The following TSEN2 variants were observed in gnomAD, a reference collection of about 807,000 sequenced individuals.
The protein encoded by TSEN2 is tRNA splicing endonuclease subunit 2.
In TSEN2, 54 loss-of-function variants were observed where a neutral mutation model predicts 59.2. That is an observed-to-expected ratio of 0.91 (90% CI 0.73 to 1.14). TSEN2 has a LOEUF of 1.14. TSEN2 is among the 50% of genes most tolerant of loss of function. The pLI, the probability that TSEN2 is intolerant of heterozygous loss-of-function variation, is 0.00. For synonymous variants in TSEN2, 195 were observed against 198.2 expected (o/e 0.98, Z 0.14); for missense variants, 636 against 576.2 (o/e 1.10, Z -1.06).
At chr3:12,520,874 T>C (rs914092000) in intron 8 of TSEN2, among the ~76,000 whole-genome samples, 8 of 152,164 alleles carry the variant, frequency 5.3e-5, no homozygotes, top group Non-Finnish European at 1.2e-4. Context: ...GTACAGATTA[T>C]TTGATCACCC....
At chr3:12,528,711 C>A (rs759394671) in intron 8 of TSEN2, among the ~76,000 whole-genome samples, 177 bp from the exon 9 acceptor site, 1 of 152,118 alleles carries the variant, frequency 6.6e-6, no homozygotes, top group Non-Finnish European at 1.5e-5. Flanking sequence ...CAGAGCGAGA[C>A]CCTGTCTGAA....
intron 6 of TSEN2, among the ~76,000 whole-genome samples, chr3:12,512,400 T>C (rs1023946666): frequency 2.0e-5 from 3 of 152,256 alleles, no homozygotes. Flanking sequence ...TGAATTGATA[T>C]AACAGCTAAT....
At position 12,513,232 on chromosome 3, in the gene TSEN2, A is replaced by G. The variant is rs116531221; in HGVS notation, c.910-3379A>G. Among the ~76,000 whole-genome samples, 1,490 of 152,318 alleles carry G rather than the reference A, an allele frequency of 9.8e-3. 10 individuals are homozygous for G. Among genetic ancestry groups the G allele is most frequent in the Middle Eastern group, 0.017 (5 of 294 alleles). On this transcript the variant is annotated intron_variant, in intron 6 of 11. Transcript: ENST00000284995. The stretch of plus-strand genomic sequence containing the variant: ...ATAATGAAAACACATCAGTTTTTGA[A>G]GAACTTACATTTTAGCAGATATCAA...
chr3:12,511,296 A>C (rs372717204), intron 6 of TSEN2: 133 of 152,334 alleles, frequency 8.7e-4, no homozygotes, highest in African/African-American at 3.0e-3. Flanking sequence ...TTAATAAAAC[A>C]TAAAGTAACA....
intron 3 of TSEN2, among the ~76,000 whole-genome samples, chr3:12,494,737 T>A (rs924292318): frequency 2.0e-5 from 3 of 150,558 alleles, no homozygotes; most frequent in Admixed American, 6.8e-5. Context: ...CATAGTTTTT[T>A]AAAAATTCCA....
At chr3:12,536,514 G>A (rs1423277643), downstream of TSEN2, among the ~76,000 whole-genome samples, 1 of 152,122 alleles carries the variant, frequency 6.6e-6, no homozygotes, top group Non-Finnish European at 1.5e-5. Context: ...AGAAACTTGG[G>A]ATTTCATCTG....
intron 8 of TSEN2, among the ~76,000 whole-genome samples, chr3:12,523,526 C>CTTTGTTTTTTTTTTTTTTTTTTTTTTTT (rs2056821440): frequency 2.2e-5 from 1 of 46,480 alleles, no homozygotes; most frequent in African/African-American, 7.9e-5. Flanking sequence ...CTCTTTGATT[C>CTTTGTTTTTTTTTTTTTTTTTTTTTTTT]TTTTTTTTTT....
chr3:12,532,682 G>T lies in TSEN2; in HGVS notation c.1359G>T (p.Trp453Cys). The T allele has an allele frequency of 1.2e-6, 2 of 1,614,008 alleles. No individual in the cohort carries two copies. Among genetic ancestry groups the T allele is most frequent in the Non-Finnish European group, 1.7e-6 (2 of 1,180,012 alleles). ...TGTAGGAGGTGATTCTGAGTCGATG[G>T]GTTTCTTCACGAGAGAGGAGTGACC... is the stretch of plus-strand genomic sequence containing the variant. ...IKVQEVILSR[W>C]VSSRERSDQD... Residue 453 changes from tryptophan to cysteine, a missense_variant, in exon 12 of 12, where the codon TGG (tryptophan) becomes TGT (cysteine). By Grantham distance (215) the Trp-to-Cys change is radical. Transcript: ENST00000284995.
chr3:12,532,663 A>T lies in TSEN2; in HGVS notation c.1340A>T (p.Glu447Val), dbSNP rs775999903. ...GGTCTTTTTTTTTATTGGTTGTAGGAGGTGATTCTGAGTCGATGGGTTTCT... is the reference window on the plus strand; with the variant it reads ...GGTCTTTTTTTTTATTGGTTGTAGGTGGTGATTCTGAGTCGATGGGTTTCT... ...PECMKRIKVQEVILSRWVSSR... is the reference protein window; with the variant it reads ...PECMKRIKVQVVILSRWVSSR... The change falls in exon 12 of 12, where the codon GAG becomes GTG. Residue 447 changes from glutamate to valine, a missense_variant and splice_region_variant. Coordinates refer to ENST00000284995, the MANE Select transcript of TSEN2 (RefSeq NM_025265.4). 1 of 1,613,950 alleles carries T rather than the reference A, an allele frequency of 6.2e-7. No homozygotes were observed. The highest frequency in any genetic ancestry group is 1.7e-5 in the Admixed American group (1 of 59,984).
chr3:12,503,049 A>G (rs1266474360), intron 4 of TSEN2, among the ~76,000 whole-genome samples: 1 of 152,012 alleles, frequency 6.6e-6, no homozygotes, highest in Non-Finnish European at 1.5e-5. Context: ...CCAGCCTGGC[A>G]ACAGAGCAAG....
Position 12,489,858 on chromosome 3 carries a change from G to A in TSEN2, c.58G>A (p.Glu20Lys), listed in dbSNP as rs142418832. 13 of 1,613,938 alleles carry A rather than the reference G, an allele frequency of 8.1e-6. No homozygotes were observed. The highest frequency in any genetic ancestry group is 6.7e-5 in the East Asian group (3 of 44,886). ...KRKRRVYETY[E>K]SPLPIPFGQD... The stretch of plus-strand genomic sequence containing the variant: ...GAAAAGAAGAGTGTATGAGACTTAC[G>A]AGTCTCCATTGCCAATCCCTTTTGG... Residue 20 changes from glutamate (E) to lysine (K), a missense_variant, in exon 2 of 12, where the codon GAG becomes AAG. Transcript: ENST00000284995.
chr3:12,487,175 G>A (rs2052701741), intron 1 of TSEN2, among the ~76,000 whole-genome samples: 1 of 152,316 alleles, frequency 6.6e-6, no homozygotes, highest in Non-Finnish European at 1.5e-5. Flanking sequence ...GTTGTGCAAG[G>A]TCACACAATA....
intron 4 of TSEN2, among the ~76,000 whole-genome samples, chr3:12,501,980 G>T (rs1345583963): frequency 6.6e-6 from 1 of 152,100 alleles, no homozygotes; most frequent in South Asian, 2.1e-4. Context: ...TTTGTAACTT[G>T]GGTGTTAGCT....
chr3:12,516,587 A>G (rs201323752), intron 6 of TSEN2, 24 bp from the exon 7 acceptor site: 122 of 1,612,892 alleles, frequency 7.6e-5, no homozygotes, highest in Admixed American at 8.3e-5. Context: ...TGTAATGAGC[A>G]TTTTCTGCTT....
Position 12,509,156 on chromosome 3 carries a change from T to C in TSEN2, c.909+3925T>C, listed in dbSNP as rs1003670541. ...TAAAAGCAGTTGCATAATGCTGTCA[T>C]GAAGTTAGGGCTGTCAACTTTGGGG... On this transcript the variant is annotated intron_variant, in intron 6 of 11. Transcript: ENST00000284995. Among the ~76,000 whole-genome samples the C allele has an allele frequency of 2.0e-5, 3 of 152,070 alleles. No individual in the cohort carries two copies. In the East Asian group the frequency reaches 5.8e-4, roughly 29 times the overall value.
At chr3:12,500,614 A>C (rs576703320) in intron 4 of TSEN2, among the ~76,000 whole-genome samples, 1 of 152,256 alleles carries the variant, frequency 6.6e-6, no homozygotes, top group Non-Finnish European at 1.5e-5. Context: ...CCATATATTG[A>C]GTCTGATTTA....
chr3:12,522,943 G>T (rs1482199817), intron 8 of TSEN2, among the ~76,000 whole-genome samples: 1 of 152,172 alleles, frequency 6.6e-6, no homozygotes, highest in African/African-American at 2.4e-5. Context: ...CAGGCACCTT[G>T]CCTTGGTGTT....
intron 11 of TSEN2, among the ~76,000 whole-genome samples, chr3:12,532,139 T>C (rs751682820): frequency 3.3e-5 from 5 of 152,016 alleles, no homozygotes; most frequent in Non-Finnish European, 7.4e-5. Context: ...ACGTTGCCAT[T>C]GGCTCCTCCC....
chr3:12,505,625 C>A, intron 6 of TSEN2: 1 of 205,064 alleles, frequency 4.9e-6, no homozygotes, highest in Non-Finnish European at 1.0e-5. Context: ...CCTGTCTCTA[C>A]CAAAAATACA....
Sources: allele counts gnomAD v4.1 joint callset (sites outside exome capture counted in the v4.1 genomes callset), GRCh38; gene constraint gnomAD v4.1.1; transcripts MANE v1.5; gene names NCBI Gene and HGNC (gene_info 2026-07-23, HGNC 2026-07-21).